GALNT17: variants seen among roughly 807,000 people sequenced by gnomAD.
The protein encoded by GALNT17 is polypeptide N-acetylgalactosaminyltransferase 17, also known as UDP-GalNAc:polypeptide N-acetylgalactosaminyltransferase-like 3.
GALNT17 carries 29 observed loss-of-function variants against 63.7 expected under a neutral mutation model. The ratio of observed to expected loss-of-function variants is 0.46; its 90% CI spans 0.34 to 0.62. GALNT17 has a LOEUF of 0.62. Ranked by LOEUF, GALNT17 falls within the 20% of genes least tolerant of loss-of-function variation. The pLI, the probability that GALNT17 is intolerant of heterozygous loss-of-function variation, is 0.01. For missense variants in GALNT17, 603 were observed against 799.6 expected, an observed-to-expected ratio of 0.75 and a Z score of 2.97; for synonymous variants, 305 against 318.3, an observed-to-expected ratio of 0.96 and a Z score of 0.45.
intron 6 of GALNT17, among the ~76,000 whole-genome samples, chr7:71,583,617 TAGC>T (rs1789670788): frequency 6.6e-6 from 1 of 152,156 alleles, no homozygotes. Flanking sequence ...TGGCATTAGA[TAGC>T]AGGGCCATTT....
intron 1 of GALNT17, among the ~76,000 whole-genome samples, chr7:71,217,808 G>C (rs1789512741): frequency 6.6e-6 from 1 of 151,854 alleles, no homozygotes; most frequent in Non-Finnish European, 1.5e-5. Context: ...GGTGCCTGTA[G>C]TCCCAGCTAC....
intron 9 of GALNT17, among the ~76,000 whole-genome samples, chr7:71,682,631 A>T (rs1791285216): frequency 6.6e-6 from 1 of 151,744 alleles, no homozygotes; most frequent in African/African-American, 2.4e-5. Context: ...TGCAGCCTTG[A>T]CCTCCTAGGC....
chr7:71,133,149 T>A, intron 1 of GALNT17, 109 bp downstream of exon 1: 1 of 940,208 alleles, frequency 1.1e-6, no homozygotes, highest in Non-Finnish European at 1.5e-6. Context: ...CGGCACACCC[T>A]GGCTCCCGCG....
intron 1 of GALNT17, among the ~76,000 whole-genome samples, chr7:71,176,754 G>A (rs1788646031): frequency 6.6e-6 from 1 of 152,132 alleles, no homozygotes; most frequent in African/African-American, 2.4e-5. Flanking sequence ...TGTTTGATGT[G>A]TCCCCAAGCC....
intron 2 of GALNT17, among the ~76,000 whole-genome samples, chr7:71,369,617 A>G (rs1792579659): frequency 6.6e-6 from 1 of 152,114 alleles, no homozygotes; most frequent in South Asian, 2.1e-4. Context: ...GTTCGAGACC[A>G]GCCTGGCCAA....
intron 9 of GALNT17, among the ~76,000 whole-genome samples, chr7:71,705,526 C>A (rs1041009300): frequency 1.3e-5 from 2 of 152,102 alleles, no homozygotes; most frequent in African/African-American, 4.8e-5. Context: ...TAGGTGTATA[C>A]CTCAGAGAAT....
At chr7:71,241,750 A>G (rs998363497) in intron 1 of GALNT17, among the ~76,000 whole-genome samples, 2 of 151,950 alleles carry the variant, frequency 1.3e-5, no homozygotes, top group Non-Finnish European at 2.9e-5. Context: ...TTAGCCAGGT[A>G]TGGTGATGTG....
At chr7:71,699,064 C>T (rs751800001) in intron 9 of GALNT17, among the ~76,000 whole-genome samples, 2 of 145,224 alleles carry the variant, frequency 1.4e-5, no homozygotes, top group Admixed American at 7.2e-5. Flanking sequence ...CCCACCTACT[C>T]GGGAGGCTGA....
At chr7:71,501,971 C>T (rs1333326448) in intron 5 of GALNT17, among the ~76,000 whole-genome samples, 1 of 152,076 alleles carries the variant, frequency 6.6e-6, no homozygotes, top group Non-Finnish European at 1.5e-5. Flanking sequence ...TAAGCCCGAC[C>T]CTTCAGCTGC....
chr7:71,631,878 G>C (rs1185651900), intron 6 of GALNT17, among the ~76,000 whole-genome samples: 1 of 152,050 alleles, frequency 6.6e-6, no homozygotes, highest in Non-Finnish European at 1.5e-5. Flanking sequence ...GAAGAGATTA[G>C]CATTTGAATG....
intron 6 of GALNT17, among the ~76,000 whole-genome samples, chr7:71,607,963 T>C (rs1335429320): frequency 1.3e-5 from 2 of 152,198 alleles, no homozygotes; most frequent in African/African-American, 2.4e-5. Flanking sequence ...ACAAAACTTA[T>C]GTCTCATACC....
At chr7:71,203,380 C>T (rs1427222100) in intron 1 of GALNT17, among the ~76,000 whole-genome samples, 1 of 152,114 alleles carries the variant, frequency 6.6e-6, no homozygotes, top group African/African-American at 2.4e-5. Context: ...ATTTGCATTT[C>T]CCTGATGATT....
chr7:71,608,310 T>C (rs1364319856), intron 6 of GALNT17, among the ~76,000 whole-genome samples: 1 of 152,084 alleles, frequency 6.6e-6, no homozygotes, highest in East Asian at 1.9e-4. Flanking sequence ...TGGATACTGT[T>C]TCCCACTTGC....
At chr7:71,567,316 T>A (rs192805314) in intron 5 of GALNT17, among the ~76,000 whole-genome samples, 148 of 152,248 alleles carry the variant, frequency 9.7e-4, no homozygotes, top group Middle Eastern at 3.4e-3. Flanking sequence ...ATAAGTGTGA[T>A]TGGCATGCGA....
intron 2 of GALNT17, among the ~76,000 whole-genome samples, chr7:71,356,587 G>T (rs1792290266): frequency 6.6e-6 from 1 of 152,082 alleles, no homozygotes; most frequent in Non-Finnish European, 1.5e-5. Flanking sequence ...TCAACAATTA[G>T]CTCGCAGGGA....
chr7:71,575,485 T>A (rs1271364696), intron 6 of GALNT17, among the ~76,000 whole-genome samples: 1 of 151,598 alleles, frequency 6.6e-6, no homozygotes, highest in Non-Finnish European at 1.5e-5. Flanking sequence ...CGCCCTCGAG[T>A]TCACGCCATT....
At position 71,617,767 on chromosome 7, in the gene GALNT17, C is replaced by T. The variant is rs150720176; in HGVS notation, c.1080+46365C>T. Among the ~76,000 whole-genome samples the T allele has an allele frequency of 4.0e-3, 610 of 152,116 alleles. 4 individuals are homozygous for T. The highest frequency in any genetic ancestry group is 0.014 in the African/African-American group (587 of 41,504). On this transcript the variant is annotated intron_variant, in intron 6 of 10. Transcript: ENST00000333538. The stretch of plus-strand genomic sequence containing the variant: ...AAGCACTTCCCCTGCCTCAGCCTCC[C>T]GAATAGGTGGGACTACAGGTACTTG...
intron 5 of GALNT17, among the ~76,000 whole-genome samples, chr7:71,532,187 CTT>C (rs1358606066): frequency 4.6e-5 from 7 of 152,240 alleles, no homozygotes; most frequent in African/African-American, 1.7e-4. Flanking sequence ...CTTCTCCTGA[CTT>C]TGAGTCTCCT....
intron 5 of GALNT17, among the ~76,000 whole-genome samples, chr7:71,508,651 G>A (rs1018346779): frequency 6.6e-6 from 1 of 152,134 alleles, no homozygotes; most frequent in African/African-American, 2.4e-5. Flanking sequence ...GCCGGCACCA[G>A]CTCTGAGGAA....
Sources: allele counts gnomAD v4.1 joint callset (sites outside exome capture counted in the v4.1 genomes callset), GRCh38; gene constraint gnomAD v4.1.1; transcripts MANE v1.5; gene names NCBI Gene and HGNC (gene_info 2026-07-23, HGNC 2026-07-21).